Variants in DDX55 observed in about 807,000 individuals in gnomAD.
The protein encoded by DDX55 is DEAD-box helicase 55, also known as ATP-dependent RNA helicase DDX55.
Under a neutral mutation model 69.2 loss-of-function variants are expected in DDX55, and 56 were observed. The ratio of observed to expected loss-of-function variants is 0.81; its 90% CI spans 0.65 to 1.01. The LOEUF (loss-of-function observed/expected upper bound fraction) is 1.01, where lower values mean the gene tolerates loss of function less well. DDX55 is among the 50% of genes least tolerant of loss of function. The pLI is 0.00. For synonymous variants in DDX55, 268 were observed against 273.1 expected, an observed-to-expected ratio of 0.98 and a Z score of 0.18; for missense variants, 720 against 745.1, an observed-to-expected ratio of 0.97 and a Z score of 0.39.
In DDX55 at chr12:123,613,240, T is replaced by A. The variant is rs952707396; in HGVS notation, c.812T>A (p.Leu271Gln). Residue 271 changes from leucine to glutamine, a missense_variant, in exon 8 of 14, where the codon CTG (leucine) becomes CAG (glutamine). By Grantham distance (113) the Leu-to-Gln change is moderately radical (BLOSUM62 -2). Coordinates refer to ENST00000238146, the MANE Select transcript of DDX55 (RefSeq NM_020936.3). ...CGCAATCATAAGCAGGAGAAACACCTGGTCTTCTTCAGGTACTCCTCTGGT... is the reference window on the plus strand; with the variant it reads ...CGCAATCATAAGCAGGAGAAACACCAGGTCTTCTTCAGGTACTCCTCTGGT... ...FLRNHKQEKH[L>Q]VFFSTCACVE... 1 of 1,614,032 alleles carries A rather than the reference T, an allele frequency of 6.2e-7. No individual in the cohort carries two copies. The highest frequency in any genetic ancestry group is 1.1e-5 in the South Asian group (1 of 91,082).
At position 123,619,706 on chromosome 12, in the gene DDX55, G is replaced by A. The variant is rs765791582; in HGVS notation, c.1608G>A (p.Glu536=). 2.5e-6 allele frequency: 4 copies of A among 1,574,052 alleles called. No homozygotes were observed. Among genetic ancestry groups the A allele is most frequent in the Middle Eastern group, 1.7e-4 (1 of 5,888 alleles). The part of the protein sequence containing the change: ...AKKEKKKKMN[E]KRKREEGSDI... ...AAGAAAAGAAGAAAAAAATGAATGA[G>A]AAAAGGAAAAGGGAAGAGGTAAAGT... The change falls in exon 13 of 14, where the codon GAG becomes GAA. Residue 536 remains glutamate, a synonymous_variant. Transcript: ENST00000238146.
At chr12:123,615,755 C>G (rs1176940626) in intron 9 of DDX55, among the ~76,000 whole-genome samples, 1 of 152,082 alleles carries the variant, frequency 6.6e-6, no homozygotes. Flanking sequence ...GAGGCCGAGG[C>G]GGGTGGATCA....
At chr12:123,603,020 G>T (rs768142862) in intron 1 of DDX55, among the ~76,000 whole-genome samples, 6 of 152,220 alleles carry the variant, frequency 3.9e-5, no homozygotes, top group Non-Finnish European at 8.8e-5. Flanking sequence ...CCTGCGGCAG[G>T]CTGCAAATAG....
rs1555282297 is a variant in DDX55 at position 123,617,886 on chromosome 12, C to T, written c.1164+14C>T. On this transcript the variant is annotated intron_variant, in intron 11 of 13. Transcript: ENST00000238146. ...ATTAACCAAAAAGTAAGCTGCCGTC[C>T]GTTTTCAGATAGAATGCCTAGTGAC... 5.6e-6 allele frequency: 9 copies of T among 1,611,140 alleles called. No homozygotes were observed. The East Asian group carries it at 6.7e-5, about 12-fold the overall frequency.
rs113048238 is a variant in DDX55 at position 123,606,018 on chromosome 12, T to C, written c.159+37T>C. On this transcript the variant is annotated intron_variant, in intron 2 of 13. Transcript: ENST00000238146. ...GGGTATGTGCAGCCTGTCCTCGTGTTCTCCCTCAGATGAACTCTGAGGAAG... is the reference window on the plus strand; with the variant it reads ...GGGTATGTGCAGCCTGTCCTCGTGTCCTCCCTCAGATGAACTCTGAGGAAG... The C allele has an allele frequency of 5.0e-6, 8 of 1,612,644 alleles. No individual in the cohort carries two copies. In the African/African-American group the frequency reaches 9.4e-5, roughly 19 times the overall value.
intron 9 of DDX55, among the ~76,000 whole-genome samples, chr12:123,615,722 C>T (rs570357556): frequency 6.6e-6 from 1 of 152,230 alleles, no homozygotes; most frequent in Admixed American, 6.5e-5. Context: ...CGGTGGCTCA[C>T]GCCTGTAATC....
rs1006134242 is a variant in DDX55, at chr12:123,619,546, C to T, written c.1448C>T (p.Thr483Met). The part of the protein sequence containing the change: ...DFVPVDVNTD[T>M]IPFKDKIREK... Reference sequence around the variant, plus strand: ...GTGCCCGTGGACGTTAATACCGACACGATTCCATTTAAAGATAAAATCAGA... The same window carrying T: ...GTGCCCGTGGACGTTAATACCGACATGATTCCATTTAAAGATAAAATCAGA... Residue 483 changes from threonine (T) to methionine (M), a missense_variant, in exon 13 of 14, where the codon ACG becomes ATG. By Grantham distance (81) the Thr-to-Met change is moderately conservative. Coordinates refer to ENST00000238146, the MANE Select transcript of DDX55 (RefSeq NM_020936.3). 9.9e-6 allele frequency: 16 copies of T among 1,613,720 alleles called. No homozygotes were observed. Among genetic ancestry groups the T allele is most frequent in the African/African-American group, 5.3e-5 (4 of 74,872 alleles).
At position 123,615,303 on chromosome 12, in the gene DDX55, C is replaced by T. The variant is rs771054400; in HGVS notation, c.943C>T (p.Arg315Cys). ...ACGCAATAAGATCTTCATGGAGTTCCGCAAATTGCAAAGGTGGGTGGGCTT... is the reference window on the plus strand; with the variant it reads ...ACGCAATAAGATCTTCATGGAGTTCTGCAAATTGCAAAGGTGGGTGGGCTT... ...YKRNKIFMEF[R>C]KLQSGILVCT... The change falls in exon 9 of 14, where the codon CGC becomes TGC. Residue 315 changes from arginine (R) to cysteine (C), a missense_variant. By Grantham distance (180) the Arg-to-Cys change is radical. Transcript: ENST00000238146. 3.7e-6 allele frequency: 6 copies of T among 1,613,692 alleles called. No individual in the cohort carries two copies. Among genetic ancestry groups the T allele is most frequent in the South Asian group, 2.2e-5 (2 of 91,066 alleles).
At chr12:123,618,324 T>C (rs68163141) in intron 11 of DDX55, 155,650 of 571,514 alleles carry the variant, frequency 0.27, 23,167 homozygotes, top group African/African-American at 0.41. Flanking sequence ...CCTGGTGGGC[T>C]TTAAGGCTGT....
Position 123,619,657 on chromosome 12 carries a change from C to T in DDX55, c.1559C>T (p.Ala520Val). 1 of 1,608,246 alleles carries T rather than the reference C, an allele frequency of 6.2e-7. No individual in the cohort carries two copies. The highest frequency in any genetic ancestry group is 1.1e-5 in the South Asian group (1 of 89,508). ...EGRRKFIKNK[A>V]WSKQKAKKEK... is the part of the protein sequence containing the mutation. Reference sequence around the variant, plus strand: ...AGAAGAAAATTCATAAAAAATAAAGCTTGGTCAAAGCAGAAGGCCAAAAAA... The same window carrying T: ...AGAAGAAAATTCATAAAAAATAAAGTTTGGTCAAAGCAGAAGGCCAAAAAA... Residue 520 changes from alanine to valine, a missense_variant, in exon 13 of 14, where the codon GCT becomes GTT. Transcript: ENST00000238146.
intron 10 of DDX55, 31 bp from the exon 11 acceptor site, chr12:123,617,727 G>C (rs777588580): frequency 1.3e-6 from 2 of 1,582,574 alleles, no homozygotes; most frequent in East Asian, 4.5e-5. Flanking sequence ...GTCATCACCT[G>C]GGTACCCATT....
intron 9 of DDX55, among the ~76,000 whole-genome samples, chr12:123,616,118 G>C (rs997540967): frequency 6.6e-6 from 1 of 152,190 alleles, no homozygotes; most frequent in Non-Finnish European, 1.5e-5. Flanking sequence ...ATAGTTTTCT[G>C]TTTTTCTTAA....
Position 123,620,124 on chromosome 12 carries a change from T to G in DDX55, c.1787T>G (p.Leu596Trp), listed in dbSNP as rs759051022. The change falls in exon 14 of 14, where the codon TTG (leucine) becomes TGG (tryptophan). Residue 596 changes from leucine (L) to tryptophan (W), a missense_variant. Leu to Trp is a moderately conservative substitution (Grantham distance 61, BLOSUM62 -2). Coordinates refer to ENST00000238146, the MANE Select transcript of DDX55 (RefSeq NM_020936.3). ...IKTVDLGISD[L>W]EDDC ...ACAGTGGATTTAGGGATCTCAGATT[T>G]GGAAGATGACTGCTGATTCCAGTGC... 2 of 1,613,876 alleles carry G rather than the reference T, an allele frequency of 1.2e-6. No individual in the cohort carries two copies. The highest frequency in any genetic ancestry group is 8.5e-7 in the Non-Finnish European group (1 of 1,179,854).
chr12:123,603,780 TTTTTTTG>T (rs1014424887), intron 1 of DDX55, among the ~76,000 whole-genome samples: 22 of 151,862 alleles, frequency 1.4e-4, no homozygotes, highest in African/African-American at 4.6e-4. Context: ...CAAGAGTTCT[TTTTTTTG>T]TTTTTTGTTT....
chr12:123,608,206 C>T (rs1044167009), intron 5 of DDX55: 9 of 171,204 alleles, frequency 5.3e-5, no homozygotes, highest in African/African-American at 2.2e-4. Context: ...TTCCATTTTA[C>T]AAGTGAGTTA....
chr12:123,620,615 T>TAAAA lies in DDX55; in HGVS notation c.*476_*477insAAAA, dbSNP rs1955068617. ...ATATATATATATATATATATATATATATATATATATATAAGCTCTTTTTTC... is the reference window on the plus strand; with the variant it reads ...ATATATATATATATATATATATATATAAAAATATATATATATAAGCTCTTTTTTC... On this transcript the variant is annotated 3_prime_UTR_variant, in exon 14 of 14. Transcript: ENST00000238146. 1.6e-5 allele frequency: 2 copies of TAAAA among 122,422 alleles called. No individual in the cohort carries two copies. Among genetic ancestry groups the TAAAA allele is most frequent in the African/African-American group, 6.8e-5 (2 of 29,522 alleles). The allele number at this position is 122,422 out of a possible 1,614,324, so 7.6% of individuals were successfully genotyped here.
At position 123,618,620 on chromosome 12, in the gene DDX55, T is replaced by C. The variant is rs766321776; in HGVS notation, c.1165-49T>C. On this transcript the variant is annotated intron_variant, in intron 11 of 13. Transcript: ENST00000238146. ...TGGTTGTGATGGGGAGCCCTGGGGA[T>C]ATGATGCCAGCCAGGGAAGGTGAGA... is the stretch of plus-strand genomic sequence containing the variant. 8 of 1,591,040 alleles carry C rather than the reference T, an allele frequency of 5.0e-6. No homozygotes were observed. In the South Asian group the frequency reaches 9.1e-5, roughly 18 times the overall value.
chr12:123,610,605 C>CTTTTT (rs35576014), intron 7 of DDX55, among the ~76,000 whole-genome samples: 57 of 90,048 alleles, frequency 6.3e-4, no homozygotes, highest in East Asian at 1.0e-3. Context: ...TGCTGAGTTT[C>CTTTTT]TTTTTTTTTT....
chr12:123,606,750 C>G (rs1953918048), intron 3 of DDX55, among the ~76,000 whole-genome samples: 1 of 152,000 alleles, frequency 6.6e-6, no homozygotes, highest in Non-Finnish European at 1.5e-5. Flanking sequence ...ACCATCATGT[C>G]TGGGTCATTT....
Sources: gnomAD v4.1 joint callset for allele counts (sites outside exome capture counted in the v4.1 genomes callset) on GRCh38, gnomAD v4.1.1 for gene constraint, MANE v1.5 for transcripts, NCBI Gene and HGNC (gene_info 2026-07-23, HGNC 2026-07-21) for gene names.